Variants in GNPDA1 observed in about 807,000 individuals in gnomAD.
GNPDA1 encodes GNPDA 1.
A neutral mutation model predicts 28.5 loss-of-function variants in GNPDA1; 24 were observed. That is an observed-to-expected ratio of 0.84 (90% CI 0.61 to 1.19). The LOEUF (loss-of-function observed/expected upper bound fraction) is 1.19. GNPDA1 is among the 50% of genes most tolerant of loss of function. The pLI, the probability that GNPDA1 is intolerant of heterozygous loss-of-function variation, is 0.00. For missense variants in GNPDA1, 264 were observed against 367.3 expected (o/e 0.72, Z 2.30); for synonymous variants, 147 against 139.3 (o/e 1.06, Z -0.39).
At chr5:142,006,428 G>A in intron 3 of GNPDA1, 102 bp from the exon 4 acceptor site, 2 of 844,734 alleles carry the variant, frequency 2.4e-6, no homozygotes, top group Non-Finnish European at 3.7e-6. Flanking sequence ...ACACTCCCAG[G>A]GGTCTGCCCA....
chr5:142,010,270 T>G (rs971021144), intron 2 of GNPDA1, among the ~76,000 whole-genome samples: 3 of 152,174 alleles, frequency 2.0e-5, no homozygotes, highest in African/African-American at 7.2e-5. Flanking sequence ...TTGATTCTCC[T>G]GCCTCAGCCT....
intron 1 of GNPDA1, 192 bp from the exon 2 acceptor site, chr5:142,012,233 C>T: frequency 2.2e-6 from 1 of 460,902 alleles, no homozygotes; most frequent in Admixed American, 3.3e-5. Flanking sequence ...CCACAGACCA[C>T]GAGGAGGCGC....
intron 3 of GNPDA1, among the ~76,000 whole-genome samples, chr5:142,006,971 CA>C (rs1304850207): frequency 7.2e-5 from 11 of 152,204 alleles, no homozygotes; most frequent in Admixed American, 3.3e-4. Context: ...AGAAGCCAGT[CA>C]AAAAGACAAA....
At chr5:142,006,007 A>C in intron 4 of GNPDA1, 137 bp downstream of exon 4, 53 of 638,018 alleles carry the variant, frequency 8.3e-5, no homozygotes, top group Non-Finnish European at 1.1e-4. Flanking sequence ...AGAGCCAGGC[A>C]GGGCCCATTT....
chr5:142,007,683 T>C (rs913255409), intron 3 of GNPDA1, 116 bp downstream of exon 3: 72 of 693,486 alleles, frequency 1.0e-4, no homozygotes, highest in Non-Finnish European at 1.6e-4. Flanking sequence ...GTATTGATAA[T>C]TGAGCCTATC....
chr5:142,011,035 T>C (rs1032903629), intron 2 of GNPDA1, among the ~76,000 whole-genome samples: 4 of 150,498 alleles, frequency 2.7e-5, no homozygotes, highest in Admixed American at 6.6e-5. Flanking sequence ...GCAGCCTCAA[T>C]CTACTGGCTC....
chr5:142,002,798 A>G (rs540802289), intron 6 of GNPDA1, among the ~76,000 whole-genome samples: 1 of 152,274 alleles, frequency 6.6e-6, no homozygotes, highest in South Asian at 2.1e-4. Flanking sequence ...CTTGTTTAAG[A>G]TTTGAAAAGA....
Position 142,007,509 on chromosome 5 carries a change from AGCAG to A in GNPDA1, c.226+286_226+289del, listed in dbSNP as rs149369450. Among the ~76,000 whole-genome samples the A allele has an allele frequency of 2.6e-5, 4 of 152,350 alleles. No individual in the cohort carries two copies. In the East Asian group the frequency reaches 5.8e-4, roughly 22 times the overall value. On this transcript the variant is annotated intron_variant, in intron 3 of 6. Transcript: ENST00000311337. ...AGAAAGAAATGGAATGGAGTTGAGG[AGCAG>A]GCAGAGGAGAAGGAGATACTCTAAT...
intron 4 of GNPDA1, 142 bp downstream of exon 4, chr5:142,006,002 C>G: frequency 1.5e-6 from 1 of 654,190 alleles, no homozygotes; most frequent in South Asian, 2.0e-5. Context: ...GTAACAGAGC[C>G]AGGCAGGGCC....
intron 5 of GNPDA1, 92 bp downstream of exon 5, chr5:142,004,840 T>G (rs1020493579): frequency 1.3e-6 from 1 of 794,852 alleles, no homozygotes; most frequent in African/African-American, 1.7e-5. Flanking sequence ...CCTTCATCTT[T>G]AATAAGAATG....
intron 6 of GNPDA1, among the ~76,000 whole-genome samples, chr5:142,002,721 T>C (rs1261753599): frequency 2.0e-5 from 3 of 151,858 alleles, no homozygotes; most frequent in African/African-American, 4.8e-5. Flanking sequence ...ACCACTGCAC[T>C]CCAGCCTGAG....
In GNPDA1 at chr5:142,012,013, T is replaced by C; in HGVS notation, c.23A>G (p.His8Arg). 1 of 1,605,030 alleles carries C rather than the reference T, an allele frequency of 6.2e-7. No homozygotes were observed. Among genetic ancestry groups the C allele is most frequent in the Non-Finnish European group, 8.5e-7 (1 of 1,172,512 alleles). ...CGCCCACTCGCTCGCCTGAGAATAG[T>C]GCTCCAGGATGATGAGCTTCATCTT... MKLIILE[H>R]YSQASEWAAK... Residue 8 changes from histidine (H) to arginine (R), a missense_variant, in exon 2 of 7, where the codon CAC (histidine) becomes CGC (arginine). Transcript: ENST00000311337.
At chr5:142,010,845 T>A (rs1030069110) in intron 2 of GNPDA1, among the ~76,000 whole-genome samples, 6 of 152,052 alleles carry the variant, frequency 3.9e-5, no homozygotes, top group Admixed American at 6.6e-5. Context: ...GTTTTTTTTT[T>A]AATTAAAGAA....
At chr5:142,007,754 C>A in intron 3 of GNPDA1, 45 bp downstream of exon 3, 3 of 1,146,534 alleles carry the variant, frequency 2.6e-6, no homozygotes, top group Non-Finnish European at 4.0e-6. Context: ...GGAGGAGCAT[C>A]ACTCTCCTAG....
chr5:142,006,809 T>G (rs575964188), intron 3 of GNPDA1, among the ~76,000 whole-genome samples: 22 of 148,634 alleles, frequency 1.5e-4, no homozygotes, highest in African/African-American at 5.0e-4. Flanking sequence ...TCTTAGGGCT[T>G]CCCCAGATCA....
chr5:142,006,180 T>A lies in GNPDA1; in HGVS notation c.373A>T (p.Ile125Phe). Reference sequence around the variant, plus strand: ...AGCTCGATCCCACCTGCAGCCTTGATCTTCTCTTCAAAGGCATCACATTCT... The same window carrying A: ...AGCTCGATCCCACCTGCAGCCTTGAACTTCTCTTCAAAGGCATCACATTCT... ...QAECDAFEEK[I>F]KAAGGIELFV... The change falls in exon 4 of 7, where the codon ATC (isoleucine) becomes TTC (phenylalanine). Residue 125 changes from isoleucine (I) to phenylalanine (F), a missense_variant. By Grantham distance (21) the Ile-to-Phe change is conservative (BLOSUM62 0). Transcript: ENST00000311337. The A allele has an allele frequency of 6.2e-7, 1 of 1,614,012 alleles. No individual in the cohort carries two copies. The highest frequency in any genetic ancestry group is 1.1e-5 in the South Asian group (1 of 91,084).
intron 2 of GNPDA1, among the ~76,000 whole-genome samples, chr5:142,011,598 T>TA (rs1233525134): frequency 1.3e-5 from 2 of 152,204 alleles, no homozygotes; most frequent in African/African-American, 4.8e-5. Flanking sequence ...ATGAATGCCT[T>TA]AGGGTATCAG....
intron 2 of GNPDA1, among the ~76,000 whole-genome samples, chr5:142,009,385 G>C (rs953659154): frequency 6.6e-6 from 1 of 151,916 alleles, no homozygotes; most frequent in Non-Finnish European, 1.5e-5. Context: ...CACCCCTGCC[G>C]ACACACTCCC....
In GNPDA1 at chr5:142,003,264, T is replaced by C. The variant is rs1755722106; in HGVS notation, c.595-2A>G. 5 of 1,604,518 alleles carry C rather than the reference T, an allele frequency of 3.1e-6. No individual in the cohort carries two copies. Among genetic ancestry groups the C allele is most frequent in the Non-Finnish European group, 3.4e-6 (4 of 1,173,434 alleles). ...AGCACCTGTGATAAGGATCATCACC[T>C]GGGGATCAGAAAACAAGTCTGTGAT... On this transcript the variant is annotated splice_acceptor_variant, in intron 5 of 6. Transcript: ENST00000311337. LOFTEE classifies it high-confidence loss of function. This position sits in a 1 kb window ranked among gnomAD's most constrained non-coding sequence, Gnocchi z 4.0.
Sources: allele counts gnomAD v4.1 joint callset (sites outside exome capture counted in the v4.1 genomes callset), GRCh38; gene constraint gnomAD v4.1.1; non-coding constraint Gnocchi (gnomAD v3.1); transcripts MANE v1.5; gene names NCBI Gene and HGNC (gene_info 2026-07-23, HGNC 2026-07-21).